Variants in MAD1L1 observed in about 807,000 individuals in gnomAD.
The protein encoded by MAD1L1 is mitotic spindle assembly checkpoint protein MAD1.
In MAD1L1, 95 loss-of-function variants were observed where a neutral mutation model predicts 96.9. The observed-to-expected ratio is 0.98, with a 90% confidence interval of 0.83 to 1.16. The LOEUF (loss-of-function observed/expected upper bound fraction) is 1.16, where lower values mean the gene tolerates loss of function less well. MAD1L1 is among the 50% of genes most tolerant of loss of function. The pLI is 0.00. For missense variants in MAD1L1, 1,007 were observed against 954.4 expected, an observed-to-expected ratio of 1.06 and a Z score of -0.73; for synonymous variants, 473 against 396.6, an observed-to-expected ratio of 1.19 and a Z score of -2.29.
At chr7:1,942,546 A>T (rs12154473) in intron 16 of MAD1L1, among the ~76,000 whole-genome samples, 1 of 151,938 alleles carries the variant, frequency 6.6e-6, no homozygotes, top group African/African-American at 2.4e-5. Context: ...GGACGGCCCT[A>T]TGTCCTATAC....
intron 12 of MAD1L1, among the ~76,000 whole-genome samples, chr7:2,057,533 A>T (rs1038667565): frequency 5.3e-5 from 8 of 151,508 alleles, no homozygotes; most frequent in Admixed American, 2.0e-4. Flanking sequence ...CCCCCCAAAA[A>T]GAAGAAGTTG....
At chr7:1,917,442 C>G (rs1249563864) in intron 17 of MAD1L1, among the ~76,000 whole-genome samples, 2 of 152,228 alleles carry the variant, frequency 1.3e-5, no homozygotes, top group South Asian at 2.1e-4. Context: ...CCCCTCCAGA[C>G]AGCCAGAGCT....
chr7:2,042,107 G>GCGCA (rs138512190), intron 12 of MAD1L1, among the ~76,000 whole-genome samples: 19 of 150,878 alleles, frequency 1.3e-4, no homozygotes, highest in African/African-American at 4.4e-4. Flanking sequence ...ACGCACATGT[G>GCGCA]CACACACACA....
At chr7:1,957,832 AT>A in intron 15 of MAD1L1, 113 bp from the exon 16 acceptor site, 2 of 811,922 alleles carry the variant, frequency 2.5e-6, no homozygotes, top group Non-Finnish European at 4.1e-6. Flanking sequence ...ATACAGCTTT[AT>A]TTCTAAATAC....
chr7:1,822,444 T>TATATATATA lies in MAD1L1; in HGVS notation c.1999-6217_1999-6216insTATATATAT, dbSNP rs1562425913. On this transcript the variant is annotated intron_variant, in intron 18 of 18. Coordinates refer to ENST00000265854, the MANE Select transcript of MAD1L1 (RefSeq NM_001013836.2). ...CAAACCTCAGCATATATATATATAT[T>TATATATATA]TTTTTTTTTTTTTTGGAAAGAGGGT... Among the ~76,000 whole-genome samples the TATATATATA allele has an allele frequency of 5.5e-4, 48 of 86,994 alleles. 1 individual carries two copies. The East Asian group carries it at 7.4e-3, about 13-fold the overall frequency. 57.1% of individuals were successfully genotyped at this position (86,994 alleles called of 152,430 possible). A position where few individuals can be genotyped will look rare whatever the true frequency, so the allele number is the denominator to read the frequency against.
chr7:2,053,014 C>T (rs1173560965), intron 12 of MAD1L1, among the ~76,000 whole-genome samples: 2 of 152,182 alleles, frequency 1.3e-5, no homozygotes, highest in African/African-American at 4.8e-5. Context: ...TGGGTGCCGC[C>T]TCCAGTGCCT....
chr7:2,192,029 T>G (rs1250110801), intron 10 of MAD1L1, among the ~76,000 whole-genome samples: 2 of 149,544 alleles, frequency 1.3e-5, no homozygotes, highest in Non-Finnish European at 1.5e-5. Flanking sequence ...AGCCTCTGTC[T>G]CGATAAAAAA....
chr7:1,967,269 C>T (rs558032304), intron 15 of MAD1L1, among the ~76,000 whole-genome samples: 1 of 152,276 alleles, frequency 6.6e-6, no homozygotes, highest in Admixed American at 6.5e-5. Flanking sequence ...GTCAGATGCC[C>T]ATCTGCTAAA....
chr7:1,974,081 C>T (rs1780524294), intron 15 of MAD1L1, among the ~76,000 whole-genome samples: 1 of 152,200 alleles, frequency 6.6e-6, no homozygotes, highest in South Asian at 2.1e-4. Context: ...CGGGCTGAGA[C>T]AGGCCCTTAG....
chr7:2,225,466 T>G lies in MAD1L1; in HGVS notation c.235A>C (p.Lys79Gln), dbSNP rs1024508512. Reference protein sequence around the residue: ...REKMQMELSHKRARVELERAA... With the variant: ...REKMQMELSHQRARVELERAA... Reference sequence around the variant, plus strand: ...CTCTCCAGCTCCACTCGAGCCCTCTTGTGACTCAGCTCCATCTGCATTTTC... The same window carrying G: ...CTCTCCAGCTCCACTCGAGCCCTCTGGTGACTCAGCTCCATCTGCATTTTC... Residue 79 changes from lysine (K) to glutamine (Q), a missense_variant, in exon 4 of 19, where the codon AAG becomes CAG. By Grantham distance (53) the Lys-to-Gln change is moderately conservative (BLOSUM62 1). Transcript: ENST00000265854. 1.2e-6 allele frequency: 2 copies of G among 1,614,172 alleles called. No individual in the cohort carries two copies. The highest frequency in any genetic ancestry group is 1.3e-5 in the African/African-American group (1 of 75,052).
intron 12 of MAD1L1, among the ~76,000 whole-genome samples, chr7:2,055,226 G>A (rs1266669101): frequency 2.0e-5 from 3 of 152,172 alleles, no homozygotes; most frequent in Admixed American, 6.5e-5. Flanking sequence ...ACGCCAGGAC[G>A]TGTGTCCTCT....
rs1038811246 is a variant in MAD1L1, at chr7:2,114,714, T to A, written c.1073+34438A>T. ...TTTGATGGAGCACAGCCACCCAGAA[T>A]CAAATACGAATCGCCGCTGCCGCTC... On this transcript the variant is annotated intron_variant, in intron 11 of 18. Transcript: ENST00000265854. The surrounding 1 kb of genome is among the most constrained non-coding windows in gnomAD (Gnocchi z 4.2). Among the ~76,000 whole-genome samples, 1 of 152,162 alleles carries A rather than the reference T, an allele frequency of 6.6e-6. No individual in the cohort carries two copies. The highest frequency in any genetic ancestry group is 2.4e-5 in the African/African-American group (1 of 41,438).
intron 10 of MAD1L1, among the ~76,000 whole-genome samples, chr7:2,166,562 T>C (rs1790438382): frequency 6.6e-6 from 1 of 152,240 alleles, no homozygotes. Flanking sequence ...GCTGATCTTT[T>C]GAATGCTTTA....
chr7:2,001,504 G>A (rs764645696), intron 14 of MAD1L1, among the ~76,000 whole-genome samples: 1 of 152,262 alleles, frequency 6.6e-6, no homozygotes, highest in Non-Finnish European at 1.5e-5. Context: ...CCCCACCCAG[G>A]CTCGGAGGCA....
rs1293590159 is a variant in MAD1L1 at position 2,119,712 on chromosome 7, G to C, written c.1073+29440C>G. ...CCGAAACCCAGAGTGCTCCTGAGGAGGGAGAGCCTGCCAGTCCAGCAGGGG... is the reference window on the plus strand; with the variant it reads ...CCGAAACCCAGAGTGCTCCTGAGGACGGAGAGCCTGCCAGTCCAGCAGGGG... On this transcript the variant is annotated intron_variant, in intron 11 of 18. Coordinates refer to ENST00000265854, the MANE Select transcript of MAD1L1 (RefSeq NM_001013836.2). This position sits in a 1 kb window ranked among gnomAD's most constrained non-coding sequence, Gnocchi z 4.6. Among the ~76,000 whole-genome samples the C allele has an allele frequency of 6.6e-6, 1 of 152,170 alleles. No homozygotes were observed. Among genetic ancestry groups the C allele is most frequent in the Non-Finnish European group, 1.5e-5 (1 of 68,016 alleles).
intron 11 of MAD1L1, among the ~76,000 whole-genome samples, chr7:2,137,951 C>T (rs1584407701): frequency 1.3e-5 from 2 of 152,180 alleles, no homozygotes; most frequent in South Asian, 2.1e-4. Context: ...GATAACTATG[C>T]GAGGGCCACA....
intron 10 of MAD1L1, among the ~76,000 whole-genome samples, chr7:2,163,827 G>T (rs1790284832): frequency 6.6e-6 from 1 of 152,046 alleles, no homozygotes; most frequent in Non-Finnish European, 1.5e-5. Flanking sequence ...ATGCGAATCT[G>T]ACACAAAGCA....
At chr7:2,006,828 C>T (rs545028982) in intron 13 of MAD1L1, among the ~76,000 whole-genome samples, 101 of 152,282 alleles carry the variant, frequency 6.6e-4, no homozygotes, top group African/African-American at 2.3e-3. Flanking sequence ...CTCTCATGGG[C>T]TCCAAAATGC....
intron 10 of MAD1L1, among the ~76,000 whole-genome samples, chr7:2,152,313 C>T (rs886141897): frequency 7.9e-5 from 12 of 152,226 alleles, no homozygotes; most frequent in African/African-American, 4.8e-5. Context: ...ATTCCAGAGC[C>T]CTCCAACCAC....
Sources: gnomAD v4.1 joint callset for allele counts (sites outside exome capture counted in the v4.1 genomes callset) on GRCh38, gnomAD v4.1.1 for gene constraint, Gnocchi (gnomAD v3.1) non-coding constraint, MANE v1.5 for transcripts, NCBI Gene and HGNC (gene_info 2026-07-23, HGNC 2026-07-21) for gene names.